EFR3B: variants seen among roughly 807,000 people sequenced by gnomAD.
EFR3B encodes EFR3 homolog B.
Under a neutral mutation model 104.7 loss-of-function variants are expected in EFR3B, and 64 were observed. The ratio of observed to expected loss-of-function variants is 0.61; its 90% CI spans 0.50 to 0.75. The LOEUF is 0.75. Ranked by LOEUF, EFR3B falls within the 30% of genes least tolerant of loss-of-function variation. The probability of loss-of-function intolerance (pLI) is 0.00; values close to 1 mark genes in which losing one functional copy is unlikely to be tolerated. For synonymous variants in EFR3B, 385 were observed against 417.9 expected, an observed-to-expected ratio of 0.92 and a Z score of 0.96; for missense variants, 750 against 1,078.5, an observed-to-expected ratio of 0.70 and a Z score of 4.27.
At chr2:25,060,535 G>A (rs1001823516) in intron 1 of EFR3B, among the ~76,000 whole-genome samples, 3 of 152,074 alleles carry the variant, frequency 2.0e-5, no homozygotes, top group Non-Finnish European at 4.4e-5. Flanking sequence ...GTGGCTGGAG[G>A]GATGATTATC....
rs768218766 is a variant in EFR3B at position 25,092,987 on chromosome 2, C to T, written c.85-16C>T. The T allele has an allele frequency of 6.5e-7, 1 of 1,541,670 alleles. No homozygotes were observed. Among genetic ancestry groups the T allele is most frequent in the South Asian group, 1.2e-5 (1 of 84,040 alleles). ...ATAGTGTGGCCATAGTGAGCACAAG[C>T]TGTTTTCTCCTACAGGATGGTCTGG... On this transcript the variant is annotated splice_polypyrimidine_tract_variant and intron_variant, in intron 2 of 22. Transcript: ENST00000403714.
At chr2:25,122,562 C>T (rs1310130236) in intron 5 of EFR3B, among the ~76,000 whole-genome samples, 1 of 152,040 alleles carries the variant, frequency 6.6e-6, no homozygotes, top group East Asian at 1.9e-4. Flanking sequence ...TTGCTCGTTC[C>T]CCTCCAGCAC....
chr2:25,094,013 A>G lies in EFR3B; in HGVS notation c.212+883A>G, dbSNP rs74606771. The stretch of plus-strand genomic sequence containing the variant: ...CAATATAGAAACACTGAGACCAGGC[A>G]CGGTGGCTCATACCTATAATCCCAG... On this transcript the variant is annotated intron_variant, in intron 3 of 22. Coordinates refer to ENST00000403714, the MANE Select transcript of EFR3B (RefSeq NM_014971.2). Among the ~76,000 whole-genome samples the G allele has an allele frequency of 0.018, 2,797 of 152,280 alleles. 244 individuals are homozygous for G. In the East Asian group the frequency reaches 0.27, roughly 15 times the overall value.
At chr2:25,067,776 A>G (rs1558588107) in intron 1 of EFR3B, among the ~76,000 whole-genome samples, 1 of 152,100 alleles carries the variant, frequency 6.6e-6, no homozygotes, top group East Asian at 1.9e-4. Flanking sequence ...CCTAGTGTGC[A>G]TTGCATGGCT....
intron 1 of EFR3B, among the ~76,000 whole-genome samples, chr2:25,071,637 G>T (rs1228898553): frequency 6.6e-6 from 1 of 152,176 alleles, no homozygotes; most frequent in Middle Eastern, 3.2e-3. Context: ...TACTTTGGAT[G>T]CAGTTGGGTA....
At chr2:25,049,470 A>G (rs1667807844) in intron 1 of EFR3B, among the ~76,000 whole-genome samples, 1 of 152,264 alleles carries the variant, frequency 6.6e-6, no homozygotes, top group Non-Finnish European at 1.5e-5. Context: ...TGTCAAGAAC[A>G]TTAGAATTTA....
Position 25,157,486 on chromosome 2 carries a change from G to C in EFR3B, c.*3146G>C, listed in dbSNP as rs930459999. On this transcript the variant is annotated 3_prime_UTR_variant, in exon 23 of 23. Coordinates refer to ENST00000403714, the MANE Select transcript of EFR3B (RefSeq NM_014971.2). ...CAAGCCCCTGGAGGCTAGTGGCATT[G>C]CATTGTGCCCCTTTTTGCCACCCTT... 6.6e-6 allele frequency: 1 copy of C among 152,246 alleles called. No individual in the cohort carries two copies. Among genetic ancestry groups the C allele is most frequent in the Non-Finnish European group, 1.5e-5 (1 of 68,086 alleles). 9.4% of individuals were successfully genotyped at this position (152,246 alleles called of 1,614,324 possible). A position where few individuals can be genotyped will look rare whatever the true frequency, so the allele number is the denominator to read the frequency against.
chr2:25,098,677 A>G (rs1669348747), intron 3 of EFR3B, among the ~76,000 whole-genome samples: 1 of 152,112 alleles, frequency 6.6e-6, no homozygotes, highest in East Asian at 1.9e-4. Context: ...TAAACATTCC[A>G]TCCTTACTAT....
intron 19 of EFR3B, 29 bp downstream of exon 19, chr2:25,145,080 AG>A: frequency 2.6e-6 from 4 of 1,547,222 alleles, no homozygotes; most frequent in Non-Finnish European, 3.5e-6. Context: ...GTCCTGGGGC[AG>A]CCCCACCTCC....
At chr2:25,098,831 A>AT (rs11416666) in intron 3 of EFR3B, among the ~76,000 whole-genome samples, 33,940 of 83,672 alleles carry the variant, frequency 0.41, 9,561 homozygotes, top group Non-Finnish European at 0.47. Context: ...TAAGTAGCCA[A>AT]TTTTTTTTTT....
At chr2:25,061,708 C>G (rs1668201757) in intron 1 of EFR3B, among the ~76,000 whole-genome samples, 1 of 151,864 alleles carries the variant, frequency 6.6e-6, no homozygotes, top group Non-Finnish European at 1.5e-5. Context: ...GTTGGCCAGG[C>G]TAGTCTCAAA....
chr2:25,090,247 G>T (rs560753108), intron 1 of EFR3B, among the ~76,000 whole-genome samples: 2 of 152,170 alleles, frequency 1.3e-5, no homozygotes, highest in Admixed American at 6.5e-5. Context: ...CAGGCCCCCC[G>T]GGCCCCTCCC....
intron 1 of EFR3B, among the ~76,000 whole-genome samples, chr2:25,054,966 A>C (rs1667978441): frequency 6.6e-6 from 1 of 152,254 alleles, no homozygotes; most frequent in African/African-American, 2.4e-5. Context: ...TGACATCTTT[A>C]TCTAAATCCT....
At chr2:25,098,554 G>A (rs889663187) in intron 3 of EFR3B, among the ~76,000 whole-genome samples, 2 of 152,128 alleles carry the variant, frequency 1.3e-5, no homozygotes, top group African/African-American at 2.4e-5. Flanking sequence ...AGACACACTC[G>A]AGAAGATTAC....
rs553461033 is a variant in EFR3B, at chr2:25,155,861, T to G, written c.*1521T>G. The stretch of plus-strand genomic sequence containing the variant: ...ATCCAAAGGAATCCGTTTTTAATTT[T>G]TTTTTTTTTCTAGAGATGGGGGTCT... On this transcript the variant is annotated 3_prime_UTR_variant, in exon 23 of 23. Transcript: ENST00000403714. 6.6e-6 allele frequency: 1 copy of G among 152,288 alleles called. No homozygotes were observed. The highest frequency in any genetic ancestry group is 1.9e-4 in the East Asian group (1 of 5,188). The allele number at this position is 152,288 out of a possible 1,614,324, so 9.4% of individuals were successfully genotyped here.
chr2:25,061,958 CTTTA>C (rs1262102186), intron 1 of EFR3B, among the ~76,000 whole-genome samples: 6 of 152,118 alleles, frequency 3.9e-5, no homozygotes, highest in African/African-American at 1.2e-4. Flanking sequence ...TTTATTTTTA[CTTTA>C]TTTTATTTTT....
rs1671123099 is a variant in EFR3B at position 25,155,055 on chromosome 2, A to C, written c.*715A>C. 6.6e-6 allele frequency: 1 copy of C among 152,212 alleles called. No individual in the cohort carries two copies. The highest frequency in any genetic ancestry group is 2.4e-5 in the African/African-American group (1 of 41,436). The allele number at this position is 152,212 out of a possible 1,614,324, so 9.4% of individuals were successfully genotyped here. A position where few individuals can be genotyped will look rare whatever the true frequency, so the allele number is the denominator to read the frequency against. On this transcript the variant is annotated 3_prime_UTR_variant, in exon 23 of 23. Transcript: ENST00000403714. ...CAGCTTCCCACCTCCTTTGTTCATA[A>C]GGAGCTTGTGTTGGCCTCCCACAGT...
At chr2:25,120,300 G>A (rs1369707429) in intron 4 of EFR3B, among the ~76,000 whole-genome samples, 1 of 151,666 alleles carries the variant, frequency 6.6e-6, no homozygotes, top group African/African-American at 2.4e-5. Context: ...GCAGTGAGCC[G>A]AGATCATGTC....
chr2:25,119,551 G>A (rs1573216363), intron 4 of EFR3B, among the ~76,000 whole-genome samples: 1 of 152,200 alleles, frequency 6.6e-6, no homozygotes, highest in Admixed American at 6.5e-5. Context: ...GTACGTAATC[G>A]ATGATCTTGT....
Sources: gnomAD v4.1 joint callset for allele counts (sites outside exome capture counted in the v4.1 genomes callset) on GRCh38, gnomAD v4.1.1 for gene constraint, MANE v1.5 for transcripts, NCBI Gene and HGNC (gene_info 2026-07-23, HGNC 2026-07-21) for gene names.